Variants in BTBD9 observed in about 807,000 individuals in gnomAD.
BTBD9 encodes the protein BTB/POZ domain-containing protein 9.
BTBD9 carries 49 observed loss-of-function variants against 64.3 expected under a neutral mutation model. The ratio of observed to expected loss-of-function variants is 0.76; its 90% CI spans 0.61 to 0.97. The LOEUF is 0.97. BTBD9 is among the 50% of genes least tolerant of loss of function. The pLI, the probability that BTBD9 is intolerant of heterozygous loss-of-function variation, is 0.00. For missense variants in BTBD9, 598 were observed against 762.1 expected (o/e 0.78, Z 2.53); for synonymous variants, 260 against 274.7 (o/e 0.95, Z 0.53).
chr6:38,370,466 A>G (rs1479555787), intron 6 of BTBD9, among the ~76,000 whole-genome samples: 3 of 152,244 alleles, frequency 2.0e-5, no homozygotes, highest in Non-Finnish European at 4.4e-5. Context: ...TCATTACTAT[A>G]GAATTATTTT....
At chr6:38,208,288 C>A (rs985126042) in intron 9 of BTBD9, among the ~76,000 whole-genome samples, 1 of 152,166 alleles carries the variant, frequency 6.6e-6, no homozygotes, top group Non-Finnish European at 1.5e-5. Context: ...TCTGACAGTT[C>A]TTTATGAGTG....
chr6:38,524,629 G>C (rs1037218407), intron 6 of BTBD9, among the ~76,000 whole-genome samples: 2 of 142,882 alleles, frequency 1.4e-5, no homozygotes, highest in African/African-American at 5.2e-5. Context: ...AAATAACATA[G>C]GGTTATTTAG....
At chr6:38,261,624 T>G (rs186830673) in intron 8 of BTBD9, among the ~76,000 whole-genome samples, 1 of 152,380 alleles carries the variant, frequency 6.6e-6, no homozygotes, top group East Asian at 1.9e-4. Flanking sequence ...AGGATATTAA[T>G]CCACTGCCTA....
intron 10 of BTBD9, among the ~76,000 whole-genome samples, chr6:38,187,824 A>T (rs557823420): frequency 6.6e-6 from 1 of 152,344 alleles, no homozygotes; most frequent in Admixed American, 6.5e-5. Context: ...TCACAAAGGA[A>T]GATGAGAGAC....
At chr6:38,295,443 G>C (rs958164640) in intron 7 of BTBD9, among the ~76,000 whole-genome samples, 2 of 152,130 alleles carry the variant, frequency 1.3e-5, no homozygotes, top group Non-Finnish European at 2.9e-5. Flanking sequence ...TGGGGTTATA[G>C]GCATGAGCCA....
chr6:38,237,223 T>G (rs1039515430), intron 9 of BTBD9, among the ~76,000 whole-genome samples: 1 of 152,164 alleles, frequency 6.6e-6, no homozygotes, highest in Non-Finnish European at 1.5e-5. Flanking sequence ...CTTTTTGAGG[T>G]GTATGTTGTT....
chr6:38,637,310 T>C (rs1167379634), intron 1 of BTBD9, among the ~76,000 whole-genome samples: 2 of 152,232 alleles, frequency 1.3e-5, no homozygotes, highest in Non-Finnish European at 1.5e-5. Flanking sequence ...ACCCAGTAAG[T>C]ATCTGCTGAG....
intron 8 of BTBD9, among the ~76,000 whole-genome samples, chr6:38,259,517 C>T: frequency 6.6e-6 from 1 of 152,176 alleles, no homozygotes; most frequent in South Asian, 2.1e-4. Context: ...ATCCTCCTGC[C>T]TTAGCCTCCC....
chr6:38,274,462 T>G (rs1765306193), intron 8 of BTBD9, among the ~76,000 whole-genome samples: 1 of 151,954 alleles, frequency 6.6e-6, no homozygotes, highest in Non-Finnish European at 1.5e-5. Context: ...TGTGCCAGTT[T>G]TCAAAGGGAA....
chr6:38,318,133 G>C (rs547820688), intron 7 of BTBD9, among the ~76,000 whole-genome samples: 1 of 152,184 alleles, frequency 6.6e-6, no homozygotes, highest in Non-Finnish European at 1.5e-5. Context: ...GACCTTGGGT[G>C]ATCCACCCGC....
At chr6:38,395,192 AG>A (rs1766611896) in intron 6 of BTBD9, among the ~76,000 whole-genome samples, 1 of 152,004 alleles carries the variant, frequency 6.6e-6, no homozygotes, top group Admixed American at 6.6e-5. Flanking sequence ...ATACTTTGGG[AG>A]GTTGAGGTGG....
At chr6:38,575,730 G>T (rs1160387965) in intron 6 of BTBD9, among the ~76,000 whole-genome samples, 2 of 152,012 alleles carry the variant, frequency 1.3e-5, no homozygotes, top group East Asian at 1.9e-4. Context: ...TATTAACATG[G>T]ATATCAAGAT....
At chr6:38,443,394 T>C (rs1424782749) in intron 6 of BTBD9, among the ~76,000 whole-genome samples, 1 of 152,198 alleles carries the variant, frequency 6.6e-6, no homozygotes, top group Non-Finnish European at 1.5e-5. Context: ...TGTTCACTTG[T>C]TTCTGTCATG....
At chr6:38,577,859 A>G in intron 5 of BTBD9, 140 bp from the exon 6 acceptor site, 1 of 786,224 alleles carries the variant, frequency 1.3e-6, no homozygotes, top group South Asian at 1.7e-5. Flanking sequence ...TTCTAATAAC[A>G]AAAGAATGTT....
chr6:38,371,287 A>C (rs1765416106), intron 6 of BTBD9, among the ~76,000 whole-genome samples: 1 of 152,180 alleles, frequency 6.6e-6, no homozygotes, highest in Non-Finnish European at 1.5e-5. Flanking sequence ...TTAGAGTTTA[A>C]CTTTGGCCCT....
intron 1 of BTBD9, among the ~76,000 whole-genome samples, chr6:38,622,523 A>G (rs1163626347): frequency 6.6e-6 from 1 of 152,144 alleles, no homozygotes; most frequent in Non-Finnish European, 1.5e-5. Flanking sequence ...GGAGGCCACA[A>G]TCCTCAGGCC....
chr6:38,469,244 T>G (rs997749917), intron 6 of BTBD9, among the ~76,000 whole-genome samples: 5 of 152,102 alleles, frequency 3.3e-5, no homozygotes, highest in African/African-American at 4.8e-5. Flanking sequence ...TCTAGGAACT[T>G]TCTTAACCAT....
At position 38,435,736 on chromosome 6, in the gene BTBD9, T is replaced by G. The variant is rs1428125863; in HGVS notation, c.1155-90643A>C. 2.0e-5 allele frequency among the ~76,000 whole-genome samples: 3 copies of G among 150,716 alleles called. 1 individual carries two copies. Among genetic ancestry groups the G allele is most frequent in the African/African-American group, 7.4e-5 (3 of 40,520 alleles). On this transcript the variant is annotated intron_variant, in intron 6 of 10. Coordinates refer to ENST00000481247, the MANE Select transcript of BTBD9 (RefSeq NM_001099272.2). Reference sequence around the variant, plus strand: ...CAGGCCGGAGTGCAGTGGCGTGATCTTGGCTCACTGCAACCTCCACCTTCT... The same window carrying G: ...CAGGCCGGAGTGCAGTGGCGTGATCGTGGCTCACTGCAACCTCCACCTTCT...
At position 38,220,163 on chromosome 6, in the gene BTBD9, G is replaced by A. The variant is rs1172119841; in HGVS notation, c.1563-27566C>T. Among the ~76,000 whole-genome samples, 5 of 152,204 alleles carry A rather than the reference G, an allele frequency of 3.3e-5. No homozygotes were observed. The East Asian group carries it at 9.6e-4, about 29-fold the overall frequency. Reference sequence around the variant, plus strand: ...CATGGCAGTGGGTGATGGTGTTGGGGGACATGCCCTAGATGGTGAGCGTGC... The same window carrying A: ...CATGGCAGTGGGTGATGGTGTTGGGAGACATGCCCTAGATGGTGAGCGTGC... On this transcript the variant is annotated intron_variant, in intron 9 of 10. Transcript: ENST00000481247.
Sources: allele counts gnomAD v4.1 joint callset (sites outside exome capture counted in the v4.1 genomes callset), GRCh38; gene constraint gnomAD v4.1.1; transcripts MANE v1.5; gene names NCBI Gene and HGNC (gene_info 2026-07-23, HGNC 2026-07-21).